Variants in RANBP17 observed in about 807,000 individuals in gnomAD.
RANBP17 encodes the protein ran-binding protein 17.
RANBP17 carries 158 observed loss-of-function variants against 141.2 expected under a neutral mutation model. The observed-to-expected ratio is 1.12, with a 90% CI of 0.98 to 1.28. The LOEUF is 1.28. Among genes scored for constraint, RANBP17 ranks in the 50% most tolerant of loss-of-function variants. The pLI is 0.00. For synonymous variants in RANBP17, 430 were observed against 450.0 expected (o/e 0.96, Z 0.56); for missense variants, 1,438 against 1,290.7 (o/e 1.11, Z -1.75).
intron 14 of RANBP17, among the ~76,000 whole-genome samples, chr5:171,023,900 G>T (rs1007472653): frequency 6.6e-6 from 1 of 152,084 alleles, no homozygotes; most frequent in Non-Finnish European, 1.5e-5. Flanking sequence ...TTTGCTCTTG[G>T]ATCAAAAGTG....
At chr5:171,107,806 A>G (rs913394751) in intron 14 of RANBP17, among the ~76,000 whole-genome samples, 3 of 152,224 alleles carry the variant, frequency 2.0e-5, no homozygotes, top group Non-Finnish European at 2.9e-5. Context: ...TCTAGGATAT[A>G]AACTGTGAGA....
At chr5:171,206,115 AC>A (rs1762561959) in intron 20 of RANBP17, 1 of 256,692 alleles carries the variant, frequency 3.9e-6, no homozygotes, top group Non-Finnish European at 7.6e-6. Context: ...ATTTGAATTG[AC>A]CTTTGCCAAG....
intron 14 of RANBP17, among the ~76,000 whole-genome samples, chr5:171,103,871 C>T (rs1787358533): frequency 6.6e-6 from 1 of 152,224 alleles, no homozygotes; most frequent in African/African-American, 2.4e-5. Context: ...CAACCCCTTG[C>T]ACTTCCTGGG....
chr5:171,090,595 C>G (rs1001552465), intron 14 of RANBP17, among the ~76,000 whole-genome samples: 1 of 152,086 alleles, frequency 6.6e-6, no homozygotes, highest in Non-Finnish European at 1.5e-5. Flanking sequence ...GAAAATGTCT[C>G]CAGGTCATGT....
chr5:170,948,120 T>A (rs1460641505), intron 12 of RANBP17, among the ~76,000 whole-genome samples: 3 of 152,176 alleles, frequency 2.0e-5, no homozygotes, highest in Non-Finnish European at 1.5e-5. Context: ...CATAGTTGTA[T>A]CTTTCCCCAG....
intron 12 of RANBP17, among the ~76,000 whole-genome samples, chr5:170,951,431 T>C (rs946627230): frequency 2.6e-5 from 4 of 152,114 alleles, no homozygotes; most frequent in African/African-American, 9.7e-5. Flanking sequence ...TAAGTATTGA[T>C]ATGTGCTAAA....
intron 14 of RANBP17, among the ~76,000 whole-genome samples, chr5:171,056,475 T>A (rs1345261647): frequency 6.6e-6 from 1 of 152,224 alleles, no homozygotes; most frequent in Non-Finnish European, 1.5e-5. Context: ...TTATAATTAT[T>A]ACTGATAACA....
At chr5:171,147,544 T>A (rs1237470061) in intron 14 of RANBP17, among the ~76,000 whole-genome samples, 3 of 151,626 alleles carry the variant, frequency 2.0e-5, no homozygotes, top group African/African-American at 7.3e-5. Flanking sequence ...GCCTTCCGAG[T>A]AGCTGGGATT....
chr5:171,248,665 C>T (rs925400640), intron 24 of RANBP17, among the ~76,000 whole-genome samples: 1 of 152,194 alleles, frequency 6.6e-6, no homozygotes, highest in Non-Finnish European at 1.5e-5. Context: ...CCTTCCAGAC[C>T]TGAAAAGGTG....
rs141948259 is a variant in RANBP17, at chr5:171,178,944, G to A, written c.1866-4223G>A. 7.5e-3 allele frequency among the ~76,000 whole-genome samples: 1,133 copies of A among 152,060 alleles called. 13 individuals carry two copies. The highest frequency in any genetic ancestry group is 0.026 in the African/African-American group (1,071 of 41,506). On this transcript the variant is annotated intron_variant, in intron 16 of 27. Coordinates refer to ENST00000523189, the MANE Select transcript of RANBP17 (RefSeq NM_022897.5). ...TAGCCCTTCATCAGATGGATAGATT[G>A]CAAACATTTTTCTCTCATTCTGTAG... is the stretch of plus-strand genomic sequence containing the variant.
chr5:171,069,630 A>G (rs1194609191), intron 14 of RANBP17, among the ~76,000 whole-genome samples: 1 of 152,230 alleles, frequency 6.6e-6, no homozygotes, highest in Non-Finnish European at 1.5e-5. Flanking sequence ...TAAATTAATG[A>G]GGTATTCAAC....
At chr5:171,219,415 T>C (rs1253860126) in intron 21 of RANBP17, among the ~76,000 whole-genome samples, 1 of 152,186 alleles carries the variant, frequency 6.6e-6, no homozygotes, top group Admixed American at 6.5e-5. Flanking sequence ...TCTCTGTATT[T>C]CCTGAATTTG....
chr5:170,961,098 G>C (rs1581246900), intron 13 of RANBP17, among the ~76,000 whole-genome samples: 1 of 92,244 alleles, frequency 1.1e-5, no homozygotes, highest in African/African-American at 2.9e-5. Flanking sequence ...CAACACTATG[G>C]CTTTGCCTTG....
intron 12 of RANBP17, among the ~76,000 whole-genome samples, chr5:170,942,494 A>T (rs1581201515): frequency 6.6e-6 from 1 of 152,240 alleles, no homozygotes; most frequent in East Asian, 1.9e-4. Context: ...TCAGGAAGCT[A>T]CATACAGCAT....
At chr5:170,874,451 T>TG (rs145392164) in intron 1 of RANBP17, among the ~76,000 whole-genome samples, 4 of 152,338 alleles carry the variant, frequency 2.6e-5, no homozygotes, top group Non-Finnish European at 4.4e-5. Flanking sequence ...CCACTATTAT[T>TG]GTGTGGGAGT....
intron 14 of RANBP17, among the ~76,000 whole-genome samples, chr5:171,040,139 ACATCTAG>A (rs1782160765): frequency 6.6e-6 from 1 of 152,162 alleles, no homozygotes; most frequent in Non-Finnish European, 1.5e-5. Context: ...CTAGCAATCC[ACATCTAG>A]CATCATATCA....
At chr5:171,076,025 G>A (rs1288301604) in intron 14 of RANBP17, among the ~76,000 whole-genome samples, 1 of 152,094 alleles carries the variant, frequency 6.6e-6, no homozygotes, top group South Asian at 2.1e-4. Context: ...TCAATAAGTT[G>A]TTAAAAAATA....
At chr5:170,867,313 C>T (rs2127307140) in intron 1 of RANBP17, among the ~76,000 whole-genome samples, 1 of 152,198 alleles carries the variant, frequency 6.6e-6, no homozygotes, top group African/African-American at 2.4e-5. Flanking sequence ...TATTTGATCT[C>T]AGCTTTAGTT....
intron 22 of RANBP17, among the ~76,000 whole-genome samples, chr5:171,235,461 AAG>A (rs1233939134): frequency 6.6e-6 from 1 of 152,158 alleles, no homozygotes; most frequent in Non-Finnish European, 1.5e-5. Context: ...TTAAGCACAT[AAG>A]AGAGAGGAGA....
Sources: allele counts gnomAD v4.1 joint callset (sites outside exome capture counted in the v4.1 genomes callset), GRCh38; gene constraint gnomAD v4.1.1; transcripts MANE v1.5; gene names NCBI Gene and HGNC (gene_info 2026-07-23, HGNC 2026-07-21).